WDR41: variants seen among roughly 807,000 people sequenced by gnomAD.
WDR41 encodes the protein WD repeat-containing protein 41.
WDR41 carries 63 observed loss-of-function variants against 69.3 expected under a neutral mutation model. That is an observed-to-expected ratio of 0.91 (90% CI 0.74 to 1.12). WDR41 has a LOEUF of 1.12. Ranked by LOEUF, WDR41 falls within the 50% of genes most tolerant of loss-of-function variation. The pLI, the probability that WDR41 is intolerant of heterozygous loss-of-function variation, is 0.00. For missense variants in WDR41, 543 were observed against 534.5 expected (o/e 1.02, Z -0.16); for synonymous variants, 185 against 192.1 (o/e 0.96, Z 0.31).
chr5:77,448,738 T>C (rs1272640495), intron 8 of WDR41, among the ~76,000 whole-genome samples: 2 of 151,754 alleles, frequency 1.3e-5, no homozygotes, highest in African/African-American at 2.4e-5. Flanking sequence ...CATGGTGATA[T>C]GCGCCTGTAG....
chr5:77,509,999 G>C lies in WDR41; in HGVS notation c.43-20427C>G, dbSNP rs145583121. Among the ~76,000 whole-genome samples the C allele has an allele frequency of 3.3e-3, 509 of 152,256 alleles. 4 individuals carry two copies. The highest frequency in any genetic ancestry group is 0.012 in the African/African-American group (478 of 41,548). Reference sequence around the variant, plus strand: ...AACTTCCCCTCACATCCATTGGCCAGGTTTGGATCCCCTCCCCCTTTCCTA... The same window carrying C: ...AACTTCCCCTCACATCCATTGGCCACGTTTGGATCCCCTCCCCCTTTCCTA... On this transcript the variant is annotated intron_variant, in intron 1 of 5. Transcript: ENST00000509971.
intron 2 of WDR41, among the ~76,000 whole-genome samples, chr5:77,477,361 C>T (rs1800989805): frequency 7.0e-6 from 1 of 142,848 alleles, no homozygotes; most frequent in Non-Finnish European, 1.5e-5. Context: ...CCCAAATCAA[C>T]AGAATATACA....
At chr5:77,497,890 T>G (rs1157530502) in intron 1 of WDR41, among the ~76,000 whole-genome samples, 2 of 152,238 alleles carry the variant, frequency 1.3e-5, no homozygotes, top group Admixed American at 6.5e-5. Context: ...GATGTATGCA[T>G]ATAATGAAAT....
chr5:77,602,144 CT>C (rs558070506), intron 1 of WDR41, among the ~76,000 whole-genome samples: 5,089 of 144,450 alleles, frequency 0.035, 81 homozygotes, highest in South Asian at 0.057. Flanking sequence ...TCATTCTACT[CT>C]TTTTTTTTTT....
intron 1 of WDR41, among the ~76,000 whole-genome samples, chr5:77,547,793 A>C (rs1190580027): frequency 6.6e-6 from 1 of 152,180 alleles, no homozygotes; most frequent in Non-Finnish European, 1.5e-5. Context: ...TCTAAAATTC[A>C]TATGGAACCA....
upstream of WDR41, among the ~76,000 whole-genome samples, chr5:77,496,572 T>C (rs563237698): frequency 6.6e-6 from 1 of 152,082 alleles, no homozygotes; most frequent in African/African-American, 2.4e-5. Flanking sequence ...GTGAAAGACT[T>C]CTATACTGAA....
At chr5:77,473,732 A>T (rs1183166555) in intron 2 of WDR41, among the ~76,000 whole-genome samples, 1 of 152,230 alleles carries the variant, frequency 6.6e-6, no homozygotes, top group African/African-American at 2.4e-5. Flanking sequence ...ATGCAAATCA[A>T]AACCACAATG....
chr5:77,511,945 ATTACT>A (rs1802209898), intron 1 of WDR41, among the ~76,000 whole-genome samples: 2 of 152,246 alleles, frequency 1.3e-5, no homozygotes, highest in African/African-American at 2.4e-5. Flanking sequence ...ATGTATTATA[ATTACT>A]TTACCACCTA....
intron 1 of WDR41, among the ~76,000 whole-genome samples, chr5:77,606,519 T>C (rs1015812270): frequency 6.6e-6 from 1 of 151,932 alleles, no homozygotes. Flanking sequence ...GCTAGATAAA[T>C]GTAATAGAGG....
chr5:77,513,656 A>G (rs78269837), intron 1 of WDR41, among the ~76,000 whole-genome samples: 9,517 of 152,250 alleles, frequency 0.063, 517 homozygotes, highest in African/African-American at 0.15. Flanking sequence ...GGGCTAGTAT[A>G]CCTTTTTTCC....
chr5:77,475,906 G>T lies in WDR41; in HGVS notation c.168-11097C>A, dbSNP rs549706253. Among the ~76,000 whole-genome samples, 11 of 152,146 alleles carry T rather than the reference G, an allele frequency of 7.2e-5. No homozygotes were observed. In the East Asian group the frequency reaches 2.1e-3, roughly 29 times the overall value. On this transcript the variant is annotated intron_variant, in intron 2 of 12. Coordinates refer to ENST00000296679, the MANE Select transcript of WDR41 (RefSeq NM_018268.4). ...GGAGGACATTCAAACCAAAGGCAAA[G>T]AAGTTGAAAACTTTGAAAAAAAATT...
chr5:77,519,439 C>G (rs1417340473), intron 1 of WDR41, among the ~76,000 whole-genome samples: 1 of 151,690 alleles, frequency 6.6e-6, no homozygotes, highest in Non-Finnish European at 1.5e-5. Flanking sequence ...TGTAATTTAT[C>G]TCCAAGTATT....
chr5:77,565,094 A>G (rs1743597803), intron 1 of WDR41, among the ~76,000 whole-genome samples: 1 of 152,102 alleles, frequency 6.6e-6, no homozygotes, highest in African/African-American at 2.4e-5. Flanking sequence ...GCAGAGCACA[A>G]TAACCTGAGG....
rs537337720 is a variant in WDR41 at position 77,585,127 on chromosome 5, G to GA, written c.42+35351dup. ...ACAACAAACTTAAACAAATCAGTAA[G>GA]AAAAAAAAAAAGAACCCATCAAAAA... On this transcript the variant is annotated intron_variant, in intron 1 of 5. Transcript: ENST00000509971. Among the ~76,000 whole-genome samples, 61 of 137,960 alleles carry GA rather than the reference G, an allele frequency of 4.4e-4. No homozygotes were observed. In the East Asian group the frequency reaches 9.0e-3, roughly 20 times the overall value. 90.5% of individuals were successfully genotyped at this position (137,960 alleles called of 152,430 possible).
chr5:77,620,518 C>T (rs1744761644), exon 1 of WDR41: 1 of 456,010 alleles, frequency 2.2e-6, no homozygotes, highest in African/African-American at 2.0e-5. Context: ...TAGCTTCATG[C>T]ATACATAAAG....
At chr5:77,471,322 C>T (rs1205083892) in intron 2 of WDR41, among the ~76,000 whole-genome samples, 1 of 152,044 alleles carries the variant, frequency 6.6e-6, no homozygotes, top group African/African-American at 2.4e-5. Flanking sequence ...CAAGAGAAAG[C>T]AGGAAAGATC....
Position 77,432,876 on chromosome 5 carries a change from C to G in WDR41, c.*259G>C. 1 of 323,620 alleles carries G rather than the reference C, an allele frequency of 3.1e-6. No homozygotes were observed. The highest frequency in any genetic ancestry group is 5.6e-6 in the Non-Finnish European group (1 of 179,966). 20.0% of individuals were successfully genotyped at this position (323,620 alleles called of 1,614,324 possible). A position where few individuals can be genotyped will look rare whatever the true frequency, so the allele number is the denominator to read the frequency against. Reference sequence around the variant, plus strand: ...CAAGGATCTAGGTTCAAAATAAGCTCAAAACACAGCACTCACCACTTCAAC... The same window carrying G: ...CAAGGATCTAGGTTCAAAATAAGCTGAAAACACAGCACTCACCACTTCAAC... On this transcript the variant is annotated 3_prime_UTR_variant, in exon 13 of 13. Transcript: ENST00000296679.
chr5:77,509,005 T>G (rs1802156176), intron 1 of WDR41, among the ~76,000 whole-genome samples: 1 of 152,220 alleles, frequency 6.6e-6, no homozygotes, highest in Admixed American at 6.5e-5. Flanking sequence ...TATGGTCTGA[T>G]CCAATTAAAT....
At chr5:77,595,739 CTAA>C (rs1247102090) in intron 1 of WDR41, among the ~76,000 whole-genome samples, 9 of 152,160 alleles carry the variant, frequency 5.9e-5, no homozygotes, top group Non-Finnish European at 1.2e-4. Flanking sequence ...GAGACTGAAA[CTAA>C]TGATTATATT....
Sources: gnomAD v4.1 joint callset for allele counts (sites outside exome capture counted in the v4.1 genomes callset) on GRCh38, gnomAD v4.1.1 for gene constraint, MANE v1.5 for transcripts, NCBI Gene and HGNC (gene_info 2026-07-23, HGNC 2026-07-21) for gene names.